APBA1: variants seen among roughly 807,000 people sequenced by gnomAD.
The protein encoded by APBA1 is amyloid beta precursor protein binding family A member 1, also known as amyloid-beta A4 precursor protein-binding family A member 1.
In APBA1, 55 loss-of-function variants were observed where a neutral mutation model predicts 86.6. That is an observed-to-expected ratio of 0.64 (90% CI 0.51 to 0.80). APBA1 has a LOEUF of 0.80. Among genes scored for constraint, APBA1 ranks in the 30% least tolerant of loss-of-function variants. APBA1 has a pLI of 0.00. For missense variants in APBA1, 1,090 were observed against 1,183.0 expected, an observed-to-expected ratio of 0.92 and a Z score of 1.15; for synonymous variants, 511 against 493.9, an observed-to-expected ratio of 1.03 and a Z score of -0.46.
chr9:69,488,732 T>G (rs1287067327), intron 2 of APBA1, among the ~76,000 whole-genome samples: 1 of 152,170 alleles, frequency 6.6e-6, no homozygotes, highest in African/African-American at 2.4e-5. Flanking sequence ...GTCACAGTGC[T>G]TGGGATTTGA....
chr9:69,622,678 G>C (rs910032677), intron 1 of APBA1, among the ~76,000 whole-genome samples: 1 of 152,128 alleles, frequency 6.6e-6, no homozygotes, highest in Non-Finnish European at 1.5e-5. Context: ...TGAACCTACA[G>C]AGTCACCCTC....
Position 69,431,303 on chromosome 9 carries a change from G to T in APBA1, c.*24C>A. ...AACCACGAAGAGGAGAGTCCTCCAT[G>T]CATGCCACCGCGTGTGGCCGCGGTC... On this transcript the variant is annotated 3_prime_UTR_variant, in exon 13 of 13. Transcript: ENST00000265381. 6.4e-7 allele frequency: 1 copy of T among 1,574,798 alleles called. No individual in the cohort carries two copies. The highest frequency in any genetic ancestry group is 8.6e-7 in the Non-Finnish European group (1 of 1,160,312).
At chr9:69,512,179 G>T (rs1167664399) in intron 2 of APBA1, among the ~76,000 whole-genome samples, 1 of 151,968 alleles carries the variant, frequency 6.6e-6, no homozygotes. Context: ...TACTTCTCAG[G>T]CATATATTTA....
At chr9:69,598,260 A>G (rs1175399416) in intron 1 of APBA1, among the ~76,000 whole-genome samples, 7 of 151,534 alleles carry the variant, frequency 4.6e-5, no homozygotes, top group Admixed American at 1.3e-4. Context: ...AGGAAGGGGA[A>G]TATCACACTC....
intron 2 of APBA1, among the ~76,000 whole-genome samples, chr9:69,486,304 G>A (rs1034419759): frequency 2.6e-5 from 4 of 152,158 alleles, no homozygotes; most frequent in Middle Eastern, 3.4e-3. Context: ...AGCACTTCTC[G>A]TGGTAGCGGG....
intron 1 of APBA1, among the ~76,000 whole-genome samples, chr9:69,542,443 T>C (rs1438292055): frequency 6.6e-6 from 1 of 152,272 alleles, no homozygotes; most frequent in Non-Finnish European, 1.5e-5. Flanking sequence ...TGTCTTTCTC[T>C]GCCTTGAGCG....
chr9:69,587,377 G>T (rs1427709067), intron 1 of APBA1, among the ~76,000 whole-genome samples: 1 of 152,200 alleles, frequency 6.6e-6, no homozygotes, highest in Non-Finnish European at 1.5e-5. Context: ...ATCTGAGAAT[G>T]TGGCCAAACT....
intron 9 of APBA1, among the ~76,000 whole-genome samples, chr9:69,451,587 C>A (rs1307043991): frequency 3.3e-5 from 5 of 152,078 alleles, no homozygotes; most frequent in African/African-American, 1.2e-4. Context: ...ATTCCATAGA[C>A]CCCACCCTCG....
At chr9:69,491,935 T>C (rs1210675096) in intron 2 of APBA1, among the ~76,000 whole-genome samples, 2 of 151,862 alleles carry the variant, frequency 1.3e-5, no homozygotes, top group Non-Finnish European at 2.9e-5. Context: ...CAGCCAATTT[T>C]TGTATTTTTA....
chr9:69,474,582 A>C (rs1835412940), intron 3 of APBA1, among the ~76,000 whole-genome samples: 2 of 152,154 alleles, frequency 1.3e-5, no homozygotes, highest in Admixed American at 1.3e-4. Flanking sequence ...GTGATATAAG[A>C]ATGAAGCAAA....
chr9:69,452,155 C>T lies in APBA1; in HGVS notation c.1935G>A (p.Leu645=), dbSNP rs1835021014. Residue 645 remains leucine (L), a synonymous_variant, in exon 9 of 13, where the codon CTG becomes CTA. Coordinates refer to ENST00000265381, the MANE Select transcript of APBA1 (RefSeq NM_001163.4). ...AGTTTTCCGACTTGGAGAAGTGGATCAGGTCATCGTTGTACATGTCCTGGG... is the reference window on the plus strand; with the variant it reads ...AGTTTTCCGACTTGGAGAAGTGGATTAGGTCATCGTTGTACATGTCCTGGG... ...LNTQDMYNDD[L]IHFSKSENCK... 1.9e-6 allele frequency: 3 copies of T among 1,614,044 alleles called. No homozygotes were observed. The highest frequency in any genetic ancestry group is 1.7e-5 in the Admixed American group (1 of 60,006).
At chr9:69,552,575 A>G (rs776022496) in intron 1 of APBA1, among the ~76,000 whole-genome samples, 8 of 152,262 alleles carry the variant, frequency 5.3e-5, no homozygotes, top group Admixed American at 1.3e-4. Flanking sequence ...AGAGAGATTT[A>G]AAATCAATGA....
intron 1 of APBA1, among the ~76,000 whole-genome samples, chr9:69,530,306 G>GTA (rs370549415): frequency 0.015 from 1,724 of 115,984 alleles, 29 homozygotes; most frequent in South Asian, 0.043. Flanking sequence ...TTGTGTGTGT[G>GTA]TATATATATA....
At chr9:69,590,114 G>T (rs1198856570) in intron 1 of APBA1, among the ~76,000 whole-genome samples, 1 of 152,126 alleles carries the variant, frequency 6.6e-6, no homozygotes, top group Non-Finnish European at 1.5e-5. Context: ...CTTCCTCTGA[G>T]TTTCTATCCC....
At chr9:69,450,416 G>A (rs573489350) in intron 9 of APBA1, among the ~76,000 whole-genome samples, 3 of 152,210 alleles carry the variant, frequency 2.0e-5, no homozygotes, top group South Asian at 4.2e-4. Context: ...GGTTGATGTT[G>A]GATACTTGCA....
intron 3 of APBA1, among the ~76,000 whole-genome samples, chr9:69,474,540 TTTC>T (rs1309198238): frequency 6.6e-6 from 1 of 152,246 alleles, no homozygotes; most frequent in Non-Finnish European, 1.5e-5. Context: ...CTGTCCTTCT[TTTC>T]TTCTTACTAT....
intron 1 of APBA1, among the ~76,000 whole-genome samples, chr9:69,659,357 G>C (rs1215341460): frequency 6.6e-6 from 1 of 152,186 alleles, no homozygotes; most frequent in East Asian, 1.9e-4. Context: ...AAGATTCACT[G>C]TACAGATATC....
intron 1 of APBA1, among the ~76,000 whole-genome samples, chr9:69,663,774 G>C (rs1823796095): frequency 6.6e-6 from 1 of 152,134 alleles, no homozygotes; most frequent in Non-Finnish European, 1.5e-5. Flanking sequence ...TGTAGGGATT[G>C]GTTTTGCCAC....
At chr9:69,441,520 C>G (rs996795586) in intron 10 of APBA1, among the ~76,000 whole-genome samples, 2 of 152,232 alleles carry the variant, frequency 1.3e-5, no homozygotes, top group African/African-American at 4.8e-5. Flanking sequence ...ATGGACTTTT[C>G]TTCTGAAAGG....
Sources: allele counts gnomAD v4.1 joint callset (sites outside exome capture counted in the v4.1 genomes callset), GRCh38; gene constraint gnomAD v4.1.1; transcripts MANE v1.5; gene names NCBI Gene and HGNC (gene_info 2026-07-23, HGNC 2026-07-21).